CCDC60: variants seen among roughly 807,000 people sequenced by gnomAD.
CCDC60 encodes coiled-coil domain-containing protein 60.
Under a neutral mutation model 63.5 loss-of-function variants are expected in CCDC60, and 54 were observed. The observed-to-expected ratio is 0.85, with a 90% CI of 0.68 to 1.07. The LOEUF is 1.07. Among genes scored for constraint, CCDC60 ranks in the 50% least tolerant of loss-of-function variants. CCDC60 has a pLI of 0.00. For missense variants in CCDC60, 651 were observed against 684.3 expected (o/e 0.95, Z 0.54); for synonymous variants, 206 against 238.8 (o/e 0.86, Z 1.27).
intron 4 of CCDC60, 123 bp downstream of exon 4, chr12:119,479,324 C>A (rs761701381): frequency 9.2e-6 from 6 of 653,286 alleles, no homozygotes; most frequent in Non-Finnish European, 1.6e-5. Flanking sequence ...GGACATGGAG[C>A]CTGGAGCTGG....
chr12:119,512,673 A>G (rs1053850004), intron 7 of CCDC60, among the ~76,000 whole-genome samples: 2 of 152,258 alleles, frequency 1.3e-5, no homozygotes, highest in African/African-American at 4.8e-5. Context: ...CTGTTCTGAG[A>G]TGGTGCAAGC....
intron 8 of CCDC60, among the ~76,000 whole-genome samples, chr12:119,517,865 C>T (rs1364145940): frequency 6.6e-6 from 1 of 152,212 alleles, no homozygotes; most frequent in African/African-American, 2.4e-5. Flanking sequence ...CTTCTGACCT[C>T]TAAAAGCCCC....
chr12:119,353,668 T>C (rs573137522), intron 1 of CCDC60, among the ~76,000 whole-genome samples: 25 of 140,168 alleles, frequency 1.8e-4, no homozygotes, highest in African/African-American at 6.3e-4. Context: ...AGTGCAGAGG[T>C]GTGATCTCAG....
At position 119,500,184 on chromosome 12, in the gene CCDC60, C is replaced by G; in HGVS notation, c.648+16C>G. Reference sequence around the variant, plus strand: ...AGCGCCAAAGGTAACCAACAACACGCGACTCAACCCTTTGGCTCCTAGGTC... The same window carrying G: ...AGCGCCAAAGGTAACCAACAACACGGGACTCAACCCTTTGGCTCCTAGGTC... On this transcript the variant is annotated intron_variant, in intron 6 of 13. Coordinates refer to ENST00000327554, the MANE Select transcript of CCDC60 (RefSeq NM_178499.5). The G allele has an allele frequency of 1.3e-6, 2 of 1,528,046 alleles. No homozygotes were observed. The highest frequency in any genetic ancestry group is 1.8e-4 in the Middle Eastern group (1 of 5,650). 94.7% of individuals were successfully genotyped at this position (1,528,046 alleles called of 1,614,324 possible). A position where few individuals can be genotyped will look rare whatever the true frequency, so the allele number is the denominator to read the frequency against.
At chr12:119,368,752 A>G (rs1250714620) in intron 1 of CCDC60, among the ~76,000 whole-genome samples, 1 of 152,194 alleles carries the variant, frequency 6.6e-6, no homozygotes, top group Non-Finnish European at 1.5e-5. Context: ...TTGGGTTTCC[A>G]TGACAATCCC....
chr12:119,348,332 C>CCTCCTCA (rs1955618728), intron 1 of CCDC60, among the ~76,000 whole-genome samples: 1 of 152,146 alleles, frequency 6.6e-6, no homozygotes, highest in South Asian at 2.1e-4. Context: ...CCCTAACTAG[C>CCTCCTCA]CTCCTCACCT....
Position 119,540,599 on chromosome 12 carries a change from A to G in CCDC60, c.1552-15A>G, listed in dbSNP as rs708889. 483,276 of 1,589,806 alleles carry G rather than the reference A, an allele frequency of 0.3. 75,796 individuals are homozygous for G. Among genetic ancestry groups the G allele is most frequent in the African/African-American group, 0.44 (32,495 of 74,390 alleles). ...CAGAGCAAATTCTGAGATTGCCACT[A>G]TGTCTGCCTCACAGTTTGTGCGAGA... On this transcript the variant is annotated splice_polypyrimidine_tract_variant and intron_variant, in intron 13 of 13. Coordinates refer to ENST00000327554, the MANE Select transcript of CCDC60 (RefSeq NM_178499.5).
intron 1 of CCDC60, among the ~76,000 whole-genome samples, chr12:119,364,848 T>A (rs1364497158): frequency 6.6e-6 from 1 of 152,094 alleles, no homozygotes; most frequent in Non-Finnish European, 1.5e-5. Context: ...GAAGACCTTG[T>A]TTTGTCCAGG....
At chr12:119,349,599 A>G (rs1328243424) in intron 1 of CCDC60, among the ~76,000 whole-genome samples, 1 of 151,196 alleles carries the variant, frequency 6.6e-6, no homozygotes, top group Non-Finnish European at 1.5e-5. Flanking sequence ...TCAGCCTCCC[A>G]AAGTGCTTGG....
chr12:119,539,743 C>T (rs1953104566), intron 13 of CCDC60, among the ~76,000 whole-genome samples: 1 of 152,236 alleles, frequency 6.6e-6, no homozygotes, highest in African/African-American at 2.4e-5. Context: ...AAAAAAACTC[C>T]TGCAGCTAGC....
chr12:119,350,727 T>C (rs951306081), intron 1 of CCDC60, among the ~76,000 whole-genome samples: 1 of 152,140 alleles, frequency 6.6e-6, no homozygotes, highest in Non-Finnish European at 1.5e-5. Context: ...TGGTTCCCGC[T>C]CTCAACATAT....
chr12:119,432,149 C>A (rs1346735940), intron 2 of CCDC60, among the ~76,000 whole-genome samples: 1 of 152,074 alleles, frequency 6.6e-6, no homozygotes, highest in Non-Finnish European at 1.5e-5. Context: ...GTGTTTGAAC[C>A]CAAGTTAGAG....
chr12:119,521,195 A>G (rs1952519335), intron 9 of CCDC60, among the ~76,000 whole-genome samples: 1 of 152,244 alleles, frequency 6.6e-6, no homozygotes, highest in African/African-American at 2.4e-5. Context: ...AGTGTTGAGT[A>G]TAAATGATTT....
rs547399272 is a variant in CCDC60 at position 119,533,104 on chromosome 12, G to A, written c.1551+2041G>A. 3.3e-3 allele frequency among the ~76,000 whole-genome samples: 505 copies of A among 152,110 alleles called. 3 individuals carry two copies. The highest frequency in any genetic ancestry group is 0.012 in the African/African-American group (479 of 41,482). ...ATTGTTTCCTGACTTTTTAATGATCGTCATTCTAACTGGCATGAGATGGTA... is the reference window on the plus strand; with the variant it reads ...ATTGTTTCCTGACTTTTTAATGATCATCATTCTAACTGGCATGAGATGGTA... On this transcript the variant is annotated intron_variant, in intron 13 of 13. Coordinates refer to ENST00000327554, the MANE Select transcript of CCDC60 (RefSeq NM_178499.5).
chr12:119,521,443 T>A (rs1952527586), intron 9 of CCDC60, among the ~76,000 whole-genome samples: 1 of 152,042 alleles, frequency 6.6e-6, no homozygotes, highest in Non-Finnish European at 1.5e-5. Flanking sequence ...AGTAGGGGTG[T>A]TGGGTGCTAA....
intron 11 of CCDC60, among the ~76,000 whole-genome samples, chr12:119,527,044 A>G (rs1952696533): frequency 1.3e-5 from 2 of 152,228 alleles, no homozygotes; most frequent in Non-Finnish European, 2.9e-5. Context: ...ACTGGATAAA[A>G]AATTGTGGTA....
intron 1 of CCDC60, among the ~76,000 whole-genome samples, chr12:119,428,356 A>G (rs1956936415): frequency 6.6e-6 from 1 of 152,226 alleles, no homozygotes; most frequent in African/African-American, 2.4e-5. Flanking sequence ...TAATCCTCAG[A>G]ACAGAGTAGG....
intron 1 of CCDC60, among the ~76,000 whole-genome samples, chr12:119,399,180 A>T (rs571646172): frequency 2.6e-5 from 4 of 152,278 alleles, no homozygotes; most frequent in Non-Finnish European, 2.9e-5. Flanking sequence ...CCTAAGGAAG[A>T]AGTCTTTGTG....
chr12:119,488,399 A>C (rs1951507357), intron 4 of CCDC60, among the ~76,000 whole-genome samples: 1 of 152,160 alleles, frequency 6.6e-6, no homozygotes, highest in African/African-American at 2.4e-5. Flanking sequence ...CTGAGTCAAG[A>C]CTTCCAGCTG....
Sources: gnomAD v4.1 joint callset for allele counts (sites outside exome capture counted in the v4.1 genomes callset) on GRCh38, gnomAD v4.1.1 for gene constraint, MANE v1.5 for transcripts, NCBI Gene and HGNC (gene_info 2026-07-23, HGNC 2026-07-21) for gene names.